The following VIT variants were observed in gnomAD, a reference collection of about 807,000 sequenced individuals.
VIT encodes vitrin.
In VIT, 99 loss-of-function variants were observed where a neutral mutation model predicts 78.0. The observed-to-expected ratio is 1.27, with a 90% CI of 1.08 to 1.50. VIT has a LOEUF of 1.50. VIT is among the 40% of genes most tolerant of loss of function. The pLI, the probability that VIT is intolerant of heterozygous loss-of-function variation, is 0.00. For missense variants in VIT, 1,126 were observed against 875.3 expected (o/e 1.29, Z -3.61); for synonymous variants, 374 against 334.3 (o/e 1.12, Z -1.29).
chr2:36,785,327 A>G (rs1665020083), intron 11 of VIT, among the ~76,000 whole-genome samples: 1 of 152,146 alleles, frequency 6.6e-6, no homozygotes, highest in African/African-American at 2.4e-5. Flanking sequence ...AGCAAACTGT[A>G]GGTGCTAGTA....
intron 12 of VIT, among the ~76,000 whole-genome samples, chr2:36,792,326 G>A (rs552219300): frequency 6.6e-6 from 1 of 152,326 alleles, no homozygotes; most frequent in East Asian, 1.9e-4. Flanking sequence ...CAGGAACACA[G>A]AGTCTCAAGA....
At chr2:36,719,703 C>T (rs1464882199) in intron 2 of VIT, among the ~76,000 whole-genome samples, 1 of 152,158 alleles carries the variant, frequency 6.6e-6, no homozygotes, top group Non-Finnish European at 1.5e-5. Context: ...CCTTGCGTGG[C>T]GGAAGTAGGC....
intron 3 of VIT, among the ~76,000 whole-genome samples, chr2:36,739,808 G>T (rs941693494): frequency 9.2e-5 from 14 of 152,186 alleles, no homozygotes; most frequent in Non-Finnish European, 8.8e-5. Flanking sequence ...CTGTGCAAAG[G>T]TGCCACTCAA....
chr2:36,702,110 A>T (rs1665096022), intron 1 of VIT, among the ~76,000 whole-genome samples: 1 of 152,206 alleles, frequency 6.6e-6, no homozygotes, highest in Admixed American at 6.5e-5. Context: ...AAACAGAGAG[A>T]TGAAGGAAGC....
Position 36,805,398 on chromosome 2 carries a change from A to G in VIT, c.1163-40A>G, listed in dbSNP as rs750131964. 1.7e-5 allele frequency: 26 copies of G among 1,540,768 alleles called. No individual in the cohort carries two copies. In the South Asian group the frequency reaches 3.3e-4, roughly 20 times the overall value. ...GTGATCTCTTCCTGTATTTATAATCAGCGTGATCACTCCAAGCATGAATTT... is the reference window on the plus strand; with the variant it reads ...GTGATCTCTTCCTGTATTTATAATCGGCGTGATCACTCCAAGCATGAATTT... On this transcript the variant is annotated intron_variant, in intron 13 of 15. Coordinates refer to ENST00000379242, the MANE Select transcript of VIT (RefSeq NM_053276.4).
At position 36,776,901 on chromosome 2, in the gene VIT, A is replaced by G. The variant is rs541095172; in HGVS notation, c.802+1834A>G. On this transcript the variant is annotated intron_variant, in intron 9 of 15. Transcript: ENST00000379242. Reference sequence around the variant, plus strand: ...TCAGGAGATCGAGACCATCCCGGCTAACACGGTGAAACTCCGTCTCTACTA... The same window carrying G: ...TCAGGAGATCGAGACCATCCCGGCTGACACGGTGAAACTCCGTCTCTACTA... Among the ~76,000 whole-genome samples, 273 of 151,408 alleles carry G rather than the reference A, an allele frequency of 1.8e-3. 3 individuals are homozygous for G. The South Asian group carries it at 0.036, about 20-fold the overall frequency.
intron 10 of VIT, 62 bp from the exon 11 acceptor site, chr2:36,783,278 T>C (rs376403603): frequency 6.4e-7 from 1 of 1,572,332 alleles, no homozygotes; most frequent in African/African-American, 1.4e-5. Context: ...TCCCCTCCCA[T>C]GGGGTAAGGC....
Position 36,696,854 on chromosome 2 carries a change from C to T in VIT, c.-138C>T, listed in dbSNP as rs1349683032. The T allele has an allele frequency of 1.3e-5, 2 of 151,956 alleles. No homozygotes were observed. The highest frequency in any genetic ancestry group is 2.9e-5 in the Non-Finnish European group (2 of 67,994). 9.4% of individuals were successfully genotyped at this position (151,956 alleles called of 1,614,324 possible). ...AGAGAAAAGGTTCTTGGACCTCTCC[C>T]TGTTTCTTCCTTAGAATAATTTGGA... On this transcript the variant is annotated 5_prime_UTR_variant, in exon 1 of 16. Transcript: ENST00000379242.
intron 6 of VIT, among the ~76,000 whole-genome samples, chr2:36,763,206 G>A (rs1000344308): frequency 2.0e-5 from 3 of 152,078 alleles, no homozygotes; most frequent in African/African-American, 7.2e-5. Flanking sequence ...GAATCTCCAC[G>A]ACCAGGGCCC....
intron 3 of VIT, among the ~76,000 whole-genome samples, chr2:36,738,749 A>G (rs758184461): frequency 4.9e-4 from 74 of 152,366 alleles, no homozygotes; most frequent in Non-Finnish European, 9.4e-4. Flanking sequence ...GTGCGAGACA[A>G]CATGCATTTA....
chr2:36,790,764 C>T (rs1011787621), intron 12 of VIT, among the ~76,000 whole-genome samples: 19 of 152,218 alleles, frequency 1.2e-4, no homozygotes, highest in African/African-American at 4.3e-4. Flanking sequence ...CTACTTTTCA[C>T]CTCCTGAAGA....
intron 1 of VIT, among the ~76,000 whole-genome samples, chr2:36,702,077 C>T (rs991175764): frequency 3.9e-5 from 6 of 152,084 alleles, no homozygotes; most frequent in South Asian, 4.2e-4. Flanking sequence ...TGATGATTTG[C>T]ATTGCATGAT....
intron 6 of VIT, chr2:36,759,585 T>C (rs1668983176): frequency 5.7e-6 from 6 of 1,051,384 alleles, no homozygotes; most frequent in Non-Finnish European, 5.7e-6. Flanking sequence ...TTTTCCAGGT[T>C]TCTGTGTTAA....
chr2:36,742,523 A>G (rs554041951), intron 3 of VIT, among the ~76,000 whole-genome samples: 48 of 152,276 alleles, frequency 3.2e-4, no homozygotes, highest in African/African-American at 1.1e-3. Context: ...TTCCCTGTCC[A>G]GAAGTCTTTC....
At chr2:36,726,380 T>C (rs1226217458) in intron 2 of VIT, among the ~76,000 whole-genome samples, 1 of 152,244 alleles carries the variant, frequency 6.6e-6, no homozygotes, top group Non-Finnish European at 1.5e-5. Context: ...CAAATGTTTG[T>C]TTAAAAGTAT....
chr2:36,771,511 G>A (rs1455964153), intron 7 of VIT, among the ~76,000 whole-genome samples: 2 of 145,120 alleles, frequency 1.4e-5, no homozygotes, highest in Non-Finnish European at 3.0e-5. Flanking sequence ...GGGTAATAGA[G>A]TGAGACTTCA....
chr2:36,786,694 T>C (rs6706703), intron 11 of VIT, among the ~76,000 whole-genome samples: 1,582 of 152,346 alleles, frequency 0.01, 30 homozygotes, highest in African/African-American at 0.037. Flanking sequence ...GCCTTGCAGA[T>C]CTCTCACACC....
At chr2:36,759,996 T>C (rs1301347878) in intron 6 of VIT, among the ~76,000 whole-genome samples, 1 of 72,518 alleles carries the variant, frequency 1.4e-5, no homozygotes, top group Non-Finnish European at 3.1e-5. Context: ...TCTTTCTCTT[T>C]TTTTTTTTTC....
At chr2:36,781,527 T>C (rs1420714695) in intron 9 of VIT, among the ~76,000 whole-genome samples, 200 bp from the exon 10 acceptor site, 1 of 152,228 alleles carries the variant, frequency 6.6e-6, no homozygotes, top group Non-Finnish European at 1.5e-5. Context: ...TAAAGATGTT[T>C]ATGCCTTTGA....
Sources: gnomAD v4.1 joint callset for allele counts (sites outside exome capture counted in the v4.1 genomes callset) on GRCh38, gnomAD v4.1.1 for gene constraint, MANE v1.5 for transcripts, NCBI Gene and HGNC (gene_info 2026-07-23, HGNC 2026-07-21) for gene names.